The following PRDM2 variants were observed in gnomAD, a reference collection of about 807,000 sequenced individuals.
PRDM2 encodes the protein PR/SET domain 2, also known as PR domain zinc finger protein 2.
PRDM2 carries 30 observed loss-of-function variants against 130.0 expected under a neutral mutation model. The observed-to-expected ratio is 0.23, with a 90% confidence interval of 0.17 to 0.31. PRDM2 has a LOEUF of 0.31. Among genes scored for constraint, PRDM2 ranks in the 10% least tolerant of loss-of-function variants. The pLI is 1.00. For missense variants in PRDM2, 2,011 were observed against 2,108.4 expected, an observed-to-expected ratio of 0.95 and a Z score of 0.90; for synonymous variants, 871 against 782.4, an observed-to-expected ratio of 1.11 and a Z score of -1.89.
chr1:13,702,995 A>G (rs189757835), intron 1 of PRDM2, among the ~76,000 whole-genome samples: 1 of 152,290 alleles, frequency 6.6e-6, no homozygotes, highest in East Asian at 1.9e-4. Context: ...CCCTGTGTCT[A>G]GGGCTTCACG....
At chr1:13,813,807 C>G (rs915879889) in intron 8 of PRDM2, among the ~76,000 whole-genome samples, 2 of 152,190 alleles carry the variant, frequency 1.3e-5, no homozygotes, top group African/African-American at 4.8e-5. Flanking sequence ...AGGCGCGCCC[C>G]CTGGTGGAGA....
intron 2 of PRDM2, among the ~76,000 whole-genome samples, chr1:13,718,158 T>C (rs1416094922): frequency 1.3e-5 from 2 of 152,178 alleles, no homozygotes; most frequent in Admixed American, 1.3e-4. Context: ...AAAATTCAGA[T>C]ATAAAAAAGT....
intron 5 of PRDM2, among the ~76,000 whole-genome samples, chr1:13,742,838 T>TC (rs1643487441): frequency 6.6e-6 from 1 of 152,198 alleles, no homozygotes; most frequent in Non-Finnish European, 1.5e-5. Context: ...TGTTAGTCTC[T>TC]GATATTAATG....
intron 1 of PRDM2, among the ~76,000 whole-genome samples, chr1:13,706,069 A>G (rs1344446861): frequency 6.6e-6 from 1 of 151,432 alleles, no homozygotes; most frequent in Admixed American, 6.6e-5. Context: ...TTTAAAATAT[A>G]TTCAAACCAC....
intron 1 of PRDM2, among the ~76,000 whole-genome samples, chr1:13,714,360 T>G (rs1006666860): frequency 9.3e-5 from 14 of 151,140 alleles, no homozygotes; most frequent in Non-Finnish European, 1.2e-4. Context: ...TTTTCCTGAG[T>G]ACTTGCTTAC....
At chr1:13,787,707 A>G in intron 8 of PRDM2, 1 of 984,716 alleles carries the variant, frequency 1.0e-6, no homozygotes. Context: ...TTTACATTTC[A>G]CTTTTTTTGT....
rs116072610 is a variant in PRDM2, at chr1:13,772,742, T to C, written c.512-336T>C. ...TGTGTGGCATTGAAATTCAATGCTA[T>C]TACTAATTTTCCTTTGACATCAATA... On this transcript the variant is annotated intron_variant, in intron 6 of 9. Transcript: ENST00000311066. Among the ~76,000 whole-genome samples the C allele has an allele frequency of 3.8e-3, 583 of 152,342 alleles. 7 individuals are homozygous for C. The highest frequency in any genetic ancestry group is 0.013 in the African/African-American group (559 of 41,584).
At chr1:13,747,434 G>A (rs745529570) in intron 5 of PRDM2, among the ~76,000 whole-genome samples, 25 of 152,144 alleles carry the variant, frequency 1.6e-4, no homozygotes, top group Non-Finnish European at 2.8e-4. Flanking sequence ...GCCAAAAGGC[G>A]TTCTTGATGG....
chr1:13,782,787 CAAG>C lies in PRDM2; in HGVS notation c.4994_4996del (p.Lys1665del), dbSNP rs1159215955. ...CAGCTGCTGCTGACTTGAGTGAGAA[CAAG>C]AGAGAGGACGGCAGCGCCAAGCAGG... On this transcript the variant is annotated inframe_deletion, in exon 8 of 10. Coordinates refer to ENST00000311066, the MANE Select transcript of PRDM2 (RefSeq NM_001393986.1). 1.2e-6 allele frequency: 2 copies of C among 1,610,502 alleles called. No homozygotes were observed. Among genetic ancestry groups the C allele is most frequent in the African/African-American group, 2.7e-5 (2 of 74,410 alleles).
At chr1:13,733,882 A>G (rs886440127) in intron 4 of PRDM2, among the ~76,000 whole-genome samples, 18 of 152,306 alleles carry the variant, frequency 1.2e-4, no homozygotes, top group African/African-American at 4.3e-4. Context: ...ACTGAATCAC[A>G]TCTGTTTTTT....
intron 2 of PRDM2, among the ~76,000 whole-genome samples, chr1:13,716,705 A>G (rs1642552461): frequency 2.6e-5 from 4 of 152,218 alleles, no homozygotes; most frequent in African/African-American, 7.2e-5. Context: ...GGATCTAATA[A>G]TATATTCTAG....
intron 8 of PRDM2, among the ~76,000 whole-genome samples, chr1:13,808,920 A>G (rs1349356896): frequency 1.3e-5 from 2 of 152,222 alleles, no homozygotes; most frequent in Admixed American, 1.3e-4. Context: ...AAGCATCTCC[A>G]GAGCAGTGGT....
At chr1:13,719,440 C>T (rs1460785550) in intron 2 of PRDM2, among the ~76,000 whole-genome samples, 4 of 152,070 alleles carry the variant, frequency 2.6e-5, no homozygotes, top group African/African-American at 4.8e-5. Flanking sequence ...TTTAGGGCTA[C>T]GGGACAGTGA....
At position 13,803,333 on chromosome 1, in the gene PRDM2, C is replaced by T. The variant is rs746905144; in HGVS notation, c.5037-13094C>T. Among the ~76,000 whole-genome samples, 1 of 152,196 alleles carries T rather than the reference C, an allele frequency of 6.6e-6. No individual in the cohort carries two copies. Among genetic ancestry groups the T allele is most frequent in the Non-Finnish European group, 1.5e-5 (1 of 68,042 alleles). On this transcript the variant is annotated intron_variant, in intron 8 of 9. Coordinates refer to ENST00000311066, the MANE Select transcript of PRDM2 (RefSeq NM_001393986.1). This position sits in a 1 kb window ranked among gnomAD's most constrained non-coding sequence, Gnocchi z 6.2. ...CAGGAAACGTTCTCTGAGCACCAGC[C>T]TTTGCTAGGCCCCGTGGCAGGTTCG...
chr1:13,821,038 C>A (rs1232258126), intron 9 of PRDM2, among the ~76,000 whole-genome samples: 1 of 43,440 alleles, frequency 2.3e-5, no homozygotes, highest in Non-Finnish European at 5.0e-5. Flanking sequence ...CCCTTTCCAG[C>A]CCCATCAGAC....
rs750766429 is a variant in PRDM2 at position 13,779,083 on chromosome 1, C to T, written c.1288C>T (p.Leu430=). The T allele has an allele frequency of 6.2e-7, 1 of 1,614,198 alleles. No homozygotes were observed. Among genetic ancestry groups the T allele is most frequent in the South Asian group, 1.1e-5 (1 of 91,084 alleles). ...PSQTLQPSED[L]ADGKASGENV... ...CCAAACACTACAGCCGTCAGAGGAT[C>T]TGGCTGATGGCAAAGCATCTGGAGA... The change falls in exon 8 of 10, where the codon CTG becomes TTG. Residue 430 remains leucine, a synonymous_variant. Coordinates refer to ENST00000311066, the MANE Select transcript of PRDM2 (RefSeq NM_001393986.1). The surrounding 1 kb of genome is among the most constrained non-coding windows in gnomAD (Gnocchi z 4.9).
At chr1:13,761,494 G>C (rs1449343294) in intron 6 of PRDM2, among the ~76,000 whole-genome samples, 1 of 152,168 alleles carries the variant, frequency 6.6e-6, no homozygotes. Flanking sequence ...TTTCTGAGGA[G>C]TTGGAGTTCT....
In PRDM2 at chr1:13,782,205, G is replaced by C; in HGVS notation, c.4410G>C (p.Leu1470=). The C allele has an allele frequency of 6.2e-7, 1 of 1,613,526 alleles. No individual in the cohort carries two copies. Among genetic ancestry groups the C allele is most frequent in the African/African-American group, 1.3e-5 (1 of 74,916 alleles). The change falls in exon 8 of 10, where the codon CTG becomes CTC. Residue 1470 remains leucine (L), a synonymous_variant. Coordinates refer to ENST00000311066, the MANE Select transcript of PRDM2 (RefSeq NM_001393986.1). Reference sequence around the variant, plus strand: ...GAGAGTTCACTTACATTGGAAGCCTGAATAAACACGCCGCCTTCAGCTGTC... The same window carrying C: ...GAGAGTTCACTTACATTGGAAGCCTCAATAAACACGCCGCCTTCAGCTGTC... ...CNREFTYIGS[L]NKHAAFSCPK... is the part of the protein sequence containing the mutation.
At chr1:13,754,461 T>C (rs545311880) in intron 6 of PRDM2, among the ~76,000 whole-genome samples, 1 of 152,202 alleles carries the variant, frequency 6.6e-6, no homozygotes, top group Non-Finnish European at 1.5e-5. Flanking sequence ...TACCAATGAG[T>C]GTCACAGTCA....
Sources: allele counts gnomAD v4.1 joint callset (sites outside exome capture counted in the v4.1 genomes callset), GRCh38; gene constraint gnomAD v4.1.1; non-coding constraint Gnocchi (gnomAD v3.1); transcripts MANE v1.5; gene names NCBI Gene and HGNC (gene_info 2026-07-23, HGNC 2026-07-21).